Variants in TBCD observed in about 807,000 individuals in gnomAD.
The protein encoded by TBCD is tubulin folding cofactor D.
A neutral mutation model predicts 169.3 loss-of-function variants in TBCD; 105 were observed. The observed-to-expected ratio is 0.62, with a 90% confidence interval of 0.53 to 0.73. The LOEUF (loss-of-function observed/expected upper bound fraction) is 0.73, where lower values mean the gene tolerates loss of function less well. Among genes scored for constraint, TBCD ranks in the 30% least tolerant of loss-of-function variants. The pLI, the probability that TBCD is intolerant of heterozygous loss-of-function variation, is 0.00. For synonymous variants in TBCD, 700 were observed against 643.9 expected, an observed-to-expected ratio of 1.09 and a Z score of -1.32; for missense variants, 1,444 against 1,600.1, an observed-to-expected ratio of 0.90 and a Z score of 1.66.
chr17:82,887,168 T>TGTGTGTGTGTGTGCGTGCGCGCGCGC, intron 15 of TBCD, among the ~76,000 whole-genome samples: 1 of 126,102 alleles, frequency 7.9e-6, no homozygotes, highest in Non-Finnish European at 1.7e-5. Context: ...TGTGTGTGTG[T>TGTGTGTGTGTGTGCGTGCGCGCGCGC]GCGCGCGCGC....
chr17:82,828,554 C>T (rs1408328117), intron 13 of TBCD, among the ~76,000 whole-genome samples: 1 of 145,890 alleles, frequency 6.9e-6, no homozygotes, highest in African/African-American at 2.5e-5. Context: ...GGAATGTGCC[C>T]CCCCCGATTG....
intron 17 of TBCD, among the ~76,000 whole-genome samples, chr17:82,897,649 A>G (rs933117489): frequency 6.6e-6 from 1 of 152,188 alleles, no homozygotes; most frequent in Admixed American, 6.5e-5. Context: ...GAGCTGTTGA[A>G]TGACCACCAC....
At chr17:82,870,944 C>A (rs1283613113) in intron 14 of TBCD, among the ~76,000 whole-genome samples, 1 of 152,250 alleles carries the variant, frequency 6.6e-6, no homozygotes, top group Non-Finnish European at 1.5e-5. Context: ...AGAGAATGTT[C>A]AGTAGCAATA....
In TBCD at chr17:82,937,363, G is replaced by A. The variant is rs761115512; in HGVS notation, c.3281+3G>A. On this transcript the variant is annotated splice_donor_region_variant and intron_variant, in intron 35 of 38. Transcript: ENST00000355528. ...AAGCTCCTGTCAGGCATCGCAGTGT[G>A]AGTTTCAAGTGCTGCTGGCCTTAGA... The A allele has an allele frequency of 1.4e-5, 23 of 1,613,874 alleles. No individual in the cohort carries two copies. The South Asian group carries it at 2.4e-4, about 17-fold the overall frequency.
At chr17:82,818,741 A>T in intron 13 of TBCD, among the ~76,000 whole-genome samples, 1 of 152,068 alleles carries the variant, frequency 6.6e-6, no homozygotes, top group Non-Finnish European at 1.5e-5. Context: ...CTCCTTGGAG[A>T]GTTACTGTGG....
chr17:82,846,549 G>A (rs1330298976), intron 13 of TBCD, among the ~76,000 whole-genome samples: 2 of 152,240 alleles, frequency 1.3e-5, no homozygotes, highest in Non-Finnish European at 2.9e-5. Flanking sequence ...GACTGGCTGA[G>A]ACCCAGGGGA....
intron 1 of TBCD, among the ~76,000 whole-genome samples, chr17:82,753,291 T>C (rs1199210212): frequency 2.0e-5 from 3 of 152,058 alleles, no homozygotes; most frequent in Non-Finnish European, 4.4e-5. Flanking sequence ...GCCCTGTCGC[T>C]TGGACCTGAT....
At chr17:82,816,100 A>G (rs2051874459) in intron 13 of TBCD, among the ~76,000 whole-genome samples, 1 of 152,106 alleles carries the variant, frequency 6.6e-6, no homozygotes, top group South Asian at 2.1e-4. Context: ...CCATGTCTCC[A>G]GTGTCTCTGT....
At chr17:82,768,085 GT>G (rs2048113154) in intron 4 of TBCD, among the ~76,000 whole-genome samples, 1 of 152,070 alleles carries the variant, frequency 6.6e-6, no homozygotes, top group Non-Finnish European at 1.5e-5. Flanking sequence ...CTTTTTATCT[GT>G]TTTTCACTTT....
intron 19 of TBCD, among the ~76,000 whole-genome samples, chr17:82,904,361 C>T (rs2060092194): frequency 1.3e-5 from 2 of 152,048 alleles, no homozygotes; most frequent in Non-Finnish European, 2.9e-5. Flanking sequence ...TGGCTTCCAT[C>T]TGCCACACGA....
rs919851159 is a variant in TBCD at position 82,926,330 on chromosome 17, T to C, written c.2380-70T>C. On this transcript the variant is annotated intron_variant, in intron 27 of 38. Coordinates refer to ENST00000355528, the MANE Select transcript of TBCD (RefSeq NM_005993.5). ...TGGGGTCTGTGGCTCCGGGCCAACATTGCCACCTCCCTAAAGAGTGCACTT... is the reference window on the plus strand; with the variant it reads ...TGGGGTCTGTGGCTCCGGGCCAACACTGCCACCTCCCTAAAGAGTGCACTT... The C allele has an allele frequency of 2.0e-5, 29 of 1,479,712 alleles. 1 individual carries two copies. In the East Asian group the frequency reaches 6.5e-4, roughly 33 times the overall value. 91.7% of individuals were successfully genotyped at this position (1,479,712 alleles called of 1,614,324 possible). A position where few individuals can be genotyped will look rare whatever the true frequency, so the allele number is the denominator to read the frequency against.
intron 14 of TBCD, among the ~76,000 whole-genome samples, chr17:82,876,298 C>G (rs907784992): frequency 6.6e-6 from 1 of 152,164 alleles, no homozygotes; most frequent in South Asian, 2.1e-4. Flanking sequence ...ATAAACTTCT[C>G]CAGCGAAAGC....
At chr17:82,767,373 G>A (rs1395267914) in intron 4 of TBCD, among the ~76,000 whole-genome samples, 1 of 152,080 alleles carries the variant, frequency 6.6e-6, no homozygotes, top group Non-Finnish European at 1.5e-5. Flanking sequence ...GACAAATTGG[G>A]ATGTTTTTTA....
chr17:82,773,668 C>A (rs1199969385), intron 6 of TBCD, among the ~76,000 whole-genome samples: 1 of 151,892 alleles, frequency 6.6e-6, no homozygotes, highest in Non-Finnish European at 1.5e-5. Flanking sequence ...GGGCCTGGTG[C>A]GCCATTGTCT....
intron 13 of TBCD, among the ~76,000 whole-genome samples, chr17:82,867,224 C>T (rs2057234578): frequency 6.6e-6 from 1 of 152,202 alleles, no homozygotes. Flanking sequence ...CACAGGGCTG[C>T]CAAGCAGTGT....
Position 82,939,370 on chromosome 17 carries a change from CG to C in TBCD, c.3375del (p.Lys1126ArgfsTer27), listed in dbSNP as rs769109745. The part of the protein sequence containing the change: ...LLLCHRFPLI[R>X]KTTASQVYET... ...ATGCACTGCATCCCTGTCCCAGATCCGGAAGACCACGGCCAGCCAGGTGTAC... is the reference window on the plus strand; with the variant it reads ...ATGCACTGCATCCCTGTCCCAGATCCGAAGACCACGGCCAGCCAGGTGTAC... On this transcript the variant is annotated frameshift_variant, in exon 37 of 39. Transcript: ENST00000355528. LOFTEE classifies it high-confidence loss of function. 1 of 1,610,814 alleles carries C rather than the reference CG, an allele frequency of 6.2e-7. No homozygotes were observed. The highest frequency in any genetic ancestry group is 1.7e-5 in the Admixed American group (1 of 59,804).
chr17:82,937,020 T>C (rs985310128), intron 34 of TBCD, among the ~76,000 whole-genome samples: 1 of 152,174 alleles, frequency 6.6e-6, no homozygotes, highest in African/African-American at 2.4e-5. Flanking sequence ...TGGGGGCTGC[T>C]GCACCACAGG....
At chr17:82,829,203 GCACACATC>G (rs1175224317) in intron 13 of TBCD, among the ~76,000 whole-genome samples, 1 of 148,644 alleles carries the variant, frequency 6.7e-6, no homozygotes, top group East Asian at 2.0e-4. Context: ...ACGTGCACAT[GCACACATC>G]CACACGATCA....
intron 13 of TBCD, among the ~76,000 whole-genome samples, chr17:82,853,069 T>C (rs1379401400): frequency 1.3e-5 from 2 of 152,128 alleles, no homozygotes; most frequent in African/African-American, 2.4e-5. Context: ...TTTCTCTCTC[T>C]CTTTTTTTTT....
Sources: gnomAD v4.1 joint callset for allele counts (sites outside exome capture counted in the v4.1 genomes callset) on GRCh38, gnomAD v4.1.1 for gene constraint, MANE v1.5 for transcripts, NCBI Gene and HGNC (gene_info 2026-07-23, HGNC 2026-07-21) for gene names.